The following HES1 variants were observed in gnomAD, a reference collection of about 807,000 sequenced individuals.
HES1 encodes the protein hes family bHLH transcription factor 1.
A neutral mutation model predicts 21.0 loss-of-function variants in HES1; 7 were observed. The ratio of observed to expected loss-of-function variants is 0.33; its 90% confidence interval spans 0.19 to 0.63. The LOEUF is 0.63. Among genes scored for constraint, HES1 ranks in the 20% least tolerant of loss-of-function variants. The probability of loss-of-function intolerance (pLI) is 0.78; values close to 1 mark genes in which losing one functional copy is unlikely to be tolerated. For missense variants in HES1, 338 were observed against 389.8 expected (o/e 0.87, Z 1.12); for synonymous variants, 169 against 171.2 (o/e 0.99, Z 0.10).
chr3:194,137,432 G>A lies in HES1; in HGVS notation c.293-251G>A. 1 of 573,804 alleles carries A rather than the reference G, an allele frequency of 1.7e-6. No homozygotes were observed. The highest frequency in any genetic ancestry group is 3.1e-6 in the Non-Finnish European group (1 of 323,946). The allele number at this position is 573,804 out of a possible 1,614,324, so 35.5% of individuals were successfully genotyped here. ...GGTCACATCGCGCGCGGGGGTGGGG[G>A]TGACAGATCTGGGGCTGAGATAGGT... On this transcript the variant is annotated intron_variant, in intron 3 of 3. Coordinates refer to ENST00000232424, the MANE Select transcript of HES1 (RefSeq NM_005524.4). This position sits in a 1 kb window ranked among gnomAD's most constrained non-coding sequence, Gnocchi z 5.4.
At position 194,136,618 on chromosome 3, in the gene HES1, C is replaced by T; in HGVS notation, c.110C>T (p.Ser37Leu). 2 of 1,609,008 alleles carry T rather than the reference C, an allele frequency of 1.2e-6. No individual in the cohort carries two copies. Among genetic ancestry groups the T allele is most frequent in the Non-Finnish European group, 1.7e-6 (2 of 1,177,490 alleles). ...KPKTASEHRK[S>L]SKPIMEKRRR... Reference sequence around the variant, plus strand: ...CAGAACTCTTTTTTTTATTTGCAGTCATCAAAGCCTATTATGGAGAAAAGA... The same window carrying T: ...CAGAACTCTTTTTTTTATTTGCAGTTATCAAAGCCTATTATGGAGAAAAGA... Residue 37 changes from serine (S) to leucine (L), a missense_variant and splice_region_variant, in exon 2 of 4, where the codon TCA (serine) becomes TTA (leucine). Ser to Leu is a moderately radical substitution (Grantham distance 145). Coordinates refer to ENST00000232424, the MANE Select transcript of HES1 (RefSeq NM_005524.4).
At position 194,138,650 on chromosome 3, in the gene HES1, C is replaced by CT. The variant is rs1715406837; in HGVS notation, c.*421dup. On this transcript the variant is annotated 3_prime_UTR_variant, in exon 4 of 4. Coordinates refer to ENST00000232424, the MANE Select transcript of HES1 (RefSeq NM_005524.4). ...GATTCTTCCAGAATATGTAAAAAGGCTTTTGGTGGAATTTGAATTACATGT... is the reference window on the plus strand; with the variant it reads ...GATTCTTCCAGAATATGTAAAAAGGCTTTTTGGTGGAATTTGAATTACATGT... The CT allele has an allele frequency of 6.4e-6, 1 of 156,064 alleles. No individual in the cohort carries two copies. Among genetic ancestry groups the CT allele is most frequent in the East Asian group, 1.9e-4 (1 of 5,354 alleles). The allele number at this position is 156,064 out of a possible 1,614,324, so 9.7% of individuals were successfully genotyped here. A position where few individuals can be genotyped will look rare whatever the true frequency, so the allele number is the denominator to read the frequency against.
In HES1 at chr3:194,137,273, CGGGTAG is replaced by C. The variant is rs1479956453; in HGVS notation, c.292+229_292+234del. On this transcript the variant is annotated intron_variant, in intron 3 of 3. Coordinates refer to ENST00000232424, the MANE Select transcript of HES1 (RefSeq NM_005524.4). The surrounding 1 kb of genome is among the most constrained non-coding windows in gnomAD (Gnocchi z 5.4). ...TTGCAGCCGCGAGGGTGGCGGGCGC[CGGGTAG>C]GGGCGAAAGGACTTAGGACTGTGGC... 1.6e-6 allele frequency: 1 copy of C among 607,176 alleles called. No homozygotes were observed. The highest frequency in any genetic ancestry group is 2.9e-6 in the Non-Finnish European group (1 of 342,462). 37.6% of individuals were successfully genotyped at this position (607,176 alleles called of 1,614,324 possible).
chr3:194,137,677 C>T lies in HES1; in HGVS notation c.293-6C>T. 1.3e-6 allele frequency: 2 copies of T among 1,570,682 alleles called. No individual in the cohort carries two copies. The highest frequency in any genetic ancestry group is 8.7e-7 in the Non-Finnish European group (1 of 1,154,596). On this transcript the variant is annotated splice_polypyrimidine_tract_variant and splice_region_variant and intron_variant, in intron 3 of 3. Coordinates refer to ENST00000232424, the MANE Select transcript of HES1 (RefSeq NM_005524.4). This position sits in a 1 kb window ranked among gnomAD's most constrained non-coding sequence, Gnocchi z 5.4. Reference sequence around the variant, plus strand: ...GGTGACCCGTCTGTCTCTTTCTGGCCCGCAGCTGCGCTGAGCACAGACCCA... The same window carrying T: ...GGTGACCCGTCTGTCTCTTTCTGGCTCGCAGCTGCGCTGAGCACAGACCCA...
At position 194,136,283 on chromosome 3, in the gene HES1, G is replaced by C; in HGVS notation, c.-98G>C. ...CTCAGCACTTGCTCAGTAGTTTTGT[G>C]AAAGTCTCAAGTAAAAGAGACACAA... On this transcript the variant is annotated 5_prime_UTR_variant, in exon 1 of 4. Transcript: ENST00000232424. The C allele has an allele frequency of 1.4e-6, 1 of 723,096 alleles. No homozygotes were observed. 44.8% of individuals were successfully genotyped at this position (723,096 alleles called of 1,614,324 possible).
Position 194,138,451 on chromosome 3 carries a change from G to T in HES1, c.*218G>T, listed in dbSNP as rs749323414. ...GTATATATTTTATATGTTCATATTG[G>T]ATTGCGCCTTTGTATTATAAAAGCT... On this transcript the variant is annotated 3_prime_UTR_variant, in exon 4 of 4. Coordinates refer to ENST00000232424, the MANE Select transcript of HES1 (RefSeq NM_005524.4). 41 of 406,700 alleles carry T rather than the reference G, an allele frequency of 1.0e-4. No homozygotes were observed. Among genetic ancestry groups the T allele is most frequent in the Non-Finnish European group, 1.6e-4 (38 of 236,194 alleles). The allele number at this position is 406,700 out of a possible 1,614,324, so 25.2% of individuals were successfully genotyped here. A position where few individuals can be genotyped will look rare whatever the true frequency, so the allele number is the denominator to read the frequency against.
rs1350265343 is a variant in HES1, at chr3:194,137,726, C to G, written c.336C>G (p.Ala112=). The G allele has an allele frequency of 6.2e-7, 1 of 1,613,396 alleles. No homozygotes were observed. Among genetic ancestry groups the G allele is most frequent in the African/African-American group, 1.3e-5 (1 of 74,912 alleles). ...TDPSVLGKYR[A]GFSECMNEVT... is the part of the protein sequence containing the mutation. ...CAAGTGTGCTGGGGAAGTACCGAGC[C>G]GGCTTCAGCGAGTGCATGAACGAGG... The change falls in exon 4 of 4, where the codon GCC becomes GCG. Residue 112 remains alanine (A), a synonymous_variant. Transcript: ENST00000232424. The surrounding 1 kb of genome is among the most constrained non-coding windows in gnomAD (Gnocchi z 5.4).
Position 194,136,974 on chromosome 3 carries a change from C to G in HES1, c.218C>G (p.Ser73Cys). Reference protein sequence around the residue: ...DALKKDSSRHSKLEKADILEM... With the variant: ...DALKKDSSRHCKLEKADILEM... ...TACTCTATGCAGAGCTCGCGGCATT[C>G]CAAGCTGGAGAAGGCGGACATTCTG... The change falls in exon 3 of 4, where the codon TCC becomes TGC. Residue 73 changes from serine (S) to cysteine (C), a missense_variant. Coordinates refer to ENST00000232424, the MANE Select transcript of HES1 (RefSeq NM_005524.4). 1 of 1,614,208 alleles carries G rather than the reference C, an allele frequency of 6.2e-7. No homozygotes were observed. Among genetic ancestry groups the G allele is most frequent in the Non-Finnish European group, 8.5e-7 (1 of 1,180,004 alleles).
rs1249425946 is a variant in HES1 at position 194,137,178 on chromosome 3, C to T, written c.292+130C>T. On this transcript the variant is annotated intron_variant, in intron 3 of 3. Transcript: ENST00000232424. This position sits in a 1 kb window ranked among gnomAD's most constrained non-coding sequence, Gnocchi z 5.4. Reference sequence around the variant, plus strand: ...TACTGCCTTGGCTCACTCTTGCGTTCCCACGGTCTGGGGCTTATTTATAGC... The same window carrying T: ...TACTGCCTTGGCTCACTCTTGCGTTTCCACGGTCTGGGGCTTATTTATAGC... 2.7e-6 allele frequency: 2 copies of T among 745,940 alleles called. No individual in the cohort carries two copies. Among genetic ancestry groups the T allele is most frequent in the African/African-American group, 3.5e-5 (2 of 57,516 alleles). 46.2% of individuals were successfully genotyped at this position (745,940 alleles called of 1,614,324 possible).
intron 2 of HES1, 41 bp downstream of exon 2, chr3:194,136,753 A>G (rs1234524242): frequency 2.6e-6 from 4 of 1,552,656 alleles, no homozygotes; most frequent in Non-Finnish European, 3.6e-6. Context: ...ATTAAAAAAC[A>G]AACACTTTCT....
In HES1 at chr3:194,137,099, G is replaced by A. The variant is rs749947606; in HGVS notation, c.292+51G>A. ...TGTGCGGGCGTCCCGCTCGCCTCGC[G>A]GTGATTTCTTCCAGACTTCCGCCCG... On this transcript the variant is annotated intron_variant, in intron 3 of 3. Coordinates refer to ENST00000232424, the MANE Select transcript of HES1 (RefSeq NM_005524.4). The surrounding 1 kb of genome is among the most constrained non-coding windows in gnomAD (Gnocchi z 5.4). 3 of 1,491,786 alleles carry A rather than the reference G, an allele frequency of 2.0e-6. No individual in the cohort carries two copies. The Admixed American group carries it at 5.0e-5, about 25-fold the overall frequency. 92.4% of individuals were successfully genotyped at this position (1,491,786 alleles called of 1,614,324 possible).
chr3:194,136,424 C>G lies in HES1; in HGVS notation c.44C>G (p.Ala15Gly), dbSNP rs928712477. 1 of 1,609,662 alleles carries G rather than the reference C, an allele frequency of 6.2e-7. No individual in the cohort carries two copies. The highest frequency in any genetic ancestry group is 1.3e-5 in the African/African-American group (1 of 74,074). Reference sequence around the variant, plus strand: ...GAGAAAAATTCCTCGTCCCCGGTGGCTGCTACCCCAGCCAGTGTCAACACG... The same window carrying G: ...GAGAAAAATTCCTCGTCCCCGGTGGGTGCTACCCCAGCCAGTGTCAACACG... ...IMEKNSSSPV[A>G]ATPASVNTTP... The change falls in exon 1 of 4, where the codon GCT (alanine) becomes GGT (glycine). Residue 15 changes from alanine to glycine, a missense_variant. Coordinates refer to ENST00000232424, the MANE Select transcript of HES1 (RefSeq NM_005524.4).
Position 194,136,809 on chromosome 3 carries a change from G to C in HES1, c.204+97G>C, listed in dbSNP as rs776936357. 3.8e-5 allele frequency: 52 copies of C among 1,377,058 alleles called. 1 individual carries two copies. In the Admixed American group the frequency reaches 8.5e-4, roughly 23 times the overall value. 85.3% of individuals were successfully genotyped at this position (1,377,058 alleles called of 1,614,324 possible). On this transcript the variant is annotated intron_variant, in intron 2 of 3. Transcript: ENST00000232424. ...CCCCGCCCTGCGGGGTCTGGCACTC[G>C]CTGGTACTGCGTTCTCCCAGGCGGG...
chr3:194,136,434 A>G lies in HES1; in HGVS notation c.54A>G (p.Pro18=), dbSNP rs775054820. Residue 18 remains proline (P), a synonymous_variant, in exon 1 of 4, where the codon CCA becomes CCG. Coordinates refer to ENST00000232424, the MANE Select transcript of HES1 (RefSeq NM_005524.4). ...CCTCGTCCCCGGTGGCTGCTACCCCAGCCAGTGTCAACACGACACCGGATA... is the reference window on the plus strand; with the variant it reads ...CCTCGTCCCCGGTGGCTGCTACCCCGGCCAGTGTCAACACGACACCGGATA... The part of the protein sequence containing the change: ...KNSSSPVAAT[P]ASVNTTPDKP... 5.5e-5 allele frequency: 89 copies of G among 1,612,084 alleles called. 1 individual carries two copies. The Admixed American group carries it at 1.5e-3, about 26-fold the overall frequency.
At position 194,138,549 on chromosome 3, in the gene HES1, AATAT is replaced by A; in HGVS notation, c.*317_*320del. The A allele has an allele frequency of 3.8e-6, 1 of 260,794 alleles. No homozygotes were observed. The highest frequency in any genetic ancestry group is 7.1e-6 in the Non-Finnish European group (1 of 140,242). 16.2% of individuals were successfully genotyped at this position (260,794 alleles called of 1,614,324 possible). On this transcript the variant is annotated 3_prime_UTR_variant, in exon 4 of 4. Coordinates refer to ENST00000232424, the MANE Select transcript of HES1 (RefSeq NM_005524.4). ...CAAAGATGTTTGAAAATGCTCTTAA[AATAT>A]CTTCCTTTGGGGAAGTTTATTTGAG...
Position 194,138,331 on chromosome 3 carries a change from T to C in HES1, c.*98T>C. ...TGAATACTGGGAGAGAAGAGGACTT[T>C]TTTGATTAAGTGGTTACTTTGTGTT... is the stretch of plus-strand genomic sequence containing the variant. On this transcript the variant is annotated 3_prime_UTR_variant, in exon 4 of 4. Transcript: ENST00000232424. The C allele has an allele frequency of 7.9e-7, 1 of 1,259,412 alleles. No individual in the cohort carries two copies. 78.0% of individuals were successfully genotyped at this position (1,259,412 alleles called of 1,614,324 possible).
At position 194,137,687 on chromosome 3, in the gene HES1, G is replaced by T; in HGVS notation, c.297G>T (p.Ala99=). The T allele has an allele frequency of 6.3e-7, 1 of 1,594,786 alleles. No individual in the cohort carries two copies. Among genetic ancestry groups the T allele is most frequent in the Non-Finnish European group, 8.6e-7 (1 of 1,169,426 alleles). The change falls in exon 4 of 4, where the codon GCG becomes GCT. Residue 99 remains alanine (A), a synonymous_variant. Transcript: ENST00000232424. This position sits in a 1 kb window ranked among gnomAD's most constrained non-coding sequence, Gnocchi z 5.4. The part of the protein sequence containing the change: ...RNLQRAQMTA[A]LSTDPSVLGK... ...CTGTCTCTTTCTGGCCCGCAGCTGC[G>T]CTGAGCACAGACCCAAGTGTGCTGG... is the stretch of plus-strand genomic sequence containing the variant.
Position 194,137,301 on chromosome 3 carries a change from T to C in HES1, c.292+253T>C, listed in dbSNP as rs946471171. On this transcript the variant is annotated intron_variant, in intron 3 of 3. Transcript: ENST00000232424. The surrounding 1 kb of genome is among the most constrained non-coding windows in gnomAD (Gnocchi z 5.4). ...GTAGGGGCGAAAGGACTTAGGACTG[T>C]GGCGGTTTGGAACTGCGTGGAGCCT... 9 of 590,520 alleles carry C rather than the reference T, an allele frequency of 1.5e-5. No homozygotes were observed. Among genetic ancestry groups the C allele is most frequent in the East Asian group, 8.5e-5 (3 of 35,386 alleles). The allele number at this position is 590,520 out of a possible 1,614,324, so 36.6% of individuals were successfully genotyped here. A position where few individuals can be genotyped will look rare whatever the true frequency, so the allele number is the denominator to read the frequency against.
rs1715367739 is a variant in HES1, at chr3:194,137,265, G to C, written c.292+217G>C. On this transcript the variant is annotated intron_variant, in intron 3 of 3. Coordinates refer to ENST00000232424, the MANE Select transcript of HES1 (RefSeq NM_005524.4). This position sits in a 1 kb window ranked among gnomAD's most constrained non-coding sequence, Gnocchi z 5.4. ...GAAAGAGGTTGCAGCCGCGAGGGTG[G>C]CGGGCGCCGGGTAGGGGCGAAAGGA... is the stretch of plus-strand genomic sequence containing the variant. 4.9e-6 allele frequency: 3 copies of C among 612,380 alleles called. No individual in the cohort carries two copies. Among genetic ancestry groups the C allele is most frequent in the Admixed American group, 2.9e-5 (1 of 35,012 alleles). The allele number at this position is 612,380 out of a possible 1,614,324, so 37.9% of individuals were successfully genotyped here. A position where few individuals can be genotyped will look rare whatever the true frequency, so the allele number is the denominator to read the frequency against.
Sources: gnomAD v4.1 joint callset for allele counts on GRCh38, gnomAD v4.1.1 for gene constraint, Gnocchi (gnomAD v3.1) non-coding constraint, MANE v1.5 for transcripts, NCBI Gene and HGNC (gene_info 2026-07-23, HGNC 2026-07-21) for gene names.